LOC128462377: variants seen among roughly 807,000 people sequenced by gnomAD.
At chr16:89,379,724 C>A in the LOC128462377 span, among the ~76,000 whole-genome samples, 23 of 152,190 alleles carry the variant, frequency 1.5e-4, no homozygotes, top group Admixed American at 1.2e-3. Flanking sequence ...CACGGATTTG[C>A]GAAGAACGTG....
At chr16:89,325,989 C>G in the LOC128462377 span, among the ~76,000 whole-genome samples, 1 of 152,170 alleles carries the variant, frequency 6.6e-6, no homozygotes, top group East Asian at 1.9e-4. Flanking sequence ...TGCAGGGCAC[C>G]CACTGCAGAG....
the LOC128462377 span, among the ~76,000 whole-genome samples, chr16:89,387,598 G>A: frequency 1.3e-5 from 2 of 150,354 alleles, no homozygotes; most frequent in African/African-American, 4.9e-5. Context: ...GCGGGAACCC[G>A]GGAGGCAGAG....
chr16:89,323,994 C>T, the LOC128462377 span: 1 of 224,450 alleles, frequency 4.5e-6, no homozygotes, highest in African/African-American at 2.4e-5. Flanking sequence ...CAGGTTCAAA[C>T]CAAACCCCCA....
the LOC128462377 span, among the ~76,000 whole-genome samples, chr16:89,346,654 A>C: frequency 6.6e-6 from 1 of 152,196 alleles, no homozygotes; most frequent in Non-Finnish European, 1.5e-5. Context: ...GGAGGAGGGA[A>C]ACCAGAGTAG....
chr16:89,385,931 G>C, the LOC128462377 span, among the ~76,000 whole-genome samples: 1 of 152,236 alleles, frequency 6.6e-6, no homozygotes, highest in Non-Finnish European at 1.5e-5. Flanking sequence ...TCACCACACG[G>C]ATGCCAAACT....
At chr16:89,412,927 C>G in the LOC128462377 span, among the ~76,000 whole-genome samples, 24 of 152,258 alleles carry the variant, frequency 1.6e-4, no homozygotes, top group South Asian at 1.9e-3. Flanking sequence ...AGCAGAGGTC[C>G]CAGCACTCAG....
At chr16:89,334,169 A>AAAAAAAC in the LOC128462377 span, among the ~76,000 whole-genome samples, 1 of 107,290 alleles carries the variant, frequency 9.3e-6, no homozygotes, top group African/African-American at 3.5e-5. Context: ...AAAAAAAAAA[A>AAAAAAAC]AAAACAGAGA....
the LOC128462377 span, among the ~76,000 whole-genome samples, chr16:89,394,983 T>A: frequency 6.6e-6 from 1 of 152,206 alleles, no homozygotes; most frequent in South Asian, 2.1e-4. Flanking sequence ...TAAAAAGATC[T>A]CCAAACCAGC....
the LOC128462377 span, among the ~76,000 whole-genome samples, chr16:89,394,599 G>A: frequency 1.3e-5 from 2 of 150,624 alleles, no homozygotes; most frequent in African/African-American, 4.9e-5. Context: ...CTGCACTCCA[G>A]CCTGGGCGAC....
the LOC128462377 span, among the ~76,000 whole-genome samples, chr16:89,384,285 C>T: frequency 6.6e-6 from 1 of 152,166 alleles, no homozygotes; most frequent in Non-Finnish European, 1.5e-5. Flanking sequence ...AATCCCAGCA[C>T]TTTGGGAGAC....
the LOC128462377 span, among the ~76,000 whole-genome samples, chr16:89,407,118 G>A: frequency 5.9e-4 from 89 of 152,056 alleles, no homozygotes; most frequent in East Asian, 0.01. Context: ...CTCGGGAGGC[G>A]GAGGAGGCGG....
At chr16:89,364,010 T>C in the LOC128462377 span, among the ~76,000 whole-genome samples, 125 of 151,846 alleles carry the variant, frequency 8.2e-4, 4 homozygotes, top group Admixed American at 5.6e-3. Flanking sequence ...TGGTGAGCTA[T>C]CATTGTGCCA....
the LOC128462377 span, among the ~76,000 whole-genome samples, chr16:89,349,154 A>AAAAAAAAAAAAAAAAGAAAAAAG: frequency 6.8e-6 from 1 of 146,618 alleles, no homozygotes; most frequent in Non-Finnish European, 1.5e-5. Flanking sequence ...AAAAAAAAAA[A>AAAAAAAAAAAAAAAAGAAAAAAG]AAAAAAAGAA....
the LOC128462377 span, among the ~76,000 whole-genome samples, chr16:89,374,021 G>A: frequency 1.3e-5 from 2 of 152,190 alleles, no homozygotes; most frequent in East Asian, 1.9e-4. Flanking sequence ...CAGGAGCTCC[G>A]CACTTCTGCA....
chr16:89,342,778 T>C, the LOC128462377 span, among the ~76,000 whole-genome samples: 1 of 152,198 alleles, frequency 6.6e-6, no homozygotes, highest in Non-Finnish European at 1.5e-5. Flanking sequence ...AAACACACAA[T>C]TGCATGTTAA....
the LOC128462377 span, among the ~76,000 whole-genome samples, chr16:89,406,526 G>A: frequency 1.3e-5 from 2 of 152,216 alleles, no homozygotes; most frequent in Non-Finnish European, 1.5e-5. Flanking sequence ...GTGTCAGCAC[G>A]CAGACACACA....
At chr16:89,340,475 A>G in the LOC128462377 span, among the ~76,000 whole-genome samples, 2 of 152,178 alleles carry the variant, frequency 1.3e-5, no homozygotes, top group Non-Finnish European at 2.9e-5. Flanking sequence ...GGGTTTCACA[A>G]TGTTGTCCAG....
At chr16:89,366,217 TATCCA>T in the LOC128462377 span, among the ~76,000 whole-genome samples, 1 of 152,154 alleles carries the variant, frequency 6.6e-6, no homozygotes, top group Admixed American at 6.5e-5. Context: ...ACATTTTCTT[TATCCA>T]ATCCGTCACT....
the LOC128462377 span, chr16:89,343,614 C>T: frequency 1.4e-4 from 21 of 152,312 alleles, no homozygotes; most frequent in Non-Finnish European, 2.1e-4. Context: ...AGAACCTCAC[C>T]CCAGTCAGAA....
Sources: gnomAD v4.1 joint callset for allele counts (sites outside exome capture counted in the v4.1 genomes callset) on GRCh38, gnomAD v4.1.1 for gene constraint, MANE v1.5 for transcripts.